Variants in NDUFA10 observed in about 807,000 individuals in gnomAD.
NDUFA10 encodes the protein NADH dehydrogenase [ubiquinone] 1 alpha subcomplex subunit 10, mitochondrial.
A neutral mutation model predicts 47.8 loss-of-function variants in NDUFA10; 40 were observed. The observed-to-expected ratio is 0.84, with a 90% CI of 0.65 to 1.09. The LOEUF (loss-of-function observed/expected upper bound fraction) is 1.09. NDUFA10 is among the 50% of genes least tolerant of loss of function. The pLI is 0.00. For synonymous variants in NDUFA10, 183 were observed against 172.2 expected (o/e 1.06, Z -0.49); for missense variants, 413 against 451.1 (o/e 0.92, Z 0.76).
At position 240,018,417 on chromosome 2, in the gene NDUFA10, G is replaced by A. The variant is rs137958541; in HGVS notation, c.547+136C>T. ...TACTTAGGAAGTTCCTTTTTCCAGC[G>A]GAGACCGATTAAGTAATGGCATTTA... On this transcript the variant is annotated intron_variant, in intron 4 of 9. Coordinates refer to ENST00000252711, the MANE Select transcript of NDUFA10 (RefSeq NM_004544.4). The A allele has an allele frequency of 8.0e-4, 1,249 of 1,562,582 alleles. 7 individuals are homozygous for A. Among genetic ancestry groups the A allele is most frequent in the East Asian group, 2.6e-3 (109 of 41,730 alleles).
intron 4 of NDUFA10, among the ~76,000 whole-genome samples, chr2:239,918,333 T>A (rs538681053): frequency 6.6e-6 from 1 of 152,278 alleles, no homozygotes; most frequent in Non-Finnish European, 1.5e-5. Flanking sequence ...TGGACATACA[T>A]GCGCCCCATC....
At chr2:239,975,818 G>T (rs749792039) in intron 9 of NDUFA10, among the ~76,000 whole-genome samples, 6 of 151,986 alleles carry the variant, frequency 3.9e-5, no homozygotes, top group African/African-American at 7.3e-5. Flanking sequence ...GTGCCTCCTG[G>T]ATCAAGCGTC....
intron 4 of NDUFA10, among the ~76,000 whole-genome samples, chr2:240,015,977 T>G (rs969192440): frequency 6.6e-6 from 1 of 152,104 alleles, no homozygotes; most frequent in African/African-American, 2.4e-5. Flanking sequence ...AGCAGCATGG[T>G]GAAATCCCAT....
chr2:239,995,558 G>GC (rs1696439271), intron 8 of NDUFA10, among the ~76,000 whole-genome samples: 2 of 152,304 alleles, frequency 1.3e-5, no homozygotes, highest in South Asian at 4.1e-4. Context: ...AACAACAAAT[G>GC]CAGCAAACAG....
At chr2:239,940,612 C>G (rs994983367) in intron 4 of NDUFA10, among the ~76,000 whole-genome samples, 5 of 152,144 alleles carry the variant, frequency 3.3e-5, no homozygotes, top group African/African-American at 1.2e-4. Context: ...AATCATGACT[C>G]TCATAGAAAT....
intron 4 of NDUFA10, among the ~76,000 whole-genome samples, chr2:239,917,741 G>A (rs1693901144): frequency 6.6e-6 from 1 of 152,218 alleles, no homozygotes; most frequent in South Asian, 2.1e-4. Context: ...TAAAAGTCAT[G>A]TGCTGTCTTT....
intron 7 of NDUFA10, among the ~76,000 whole-genome samples, chr2:240,006,361 A>G (rs919651488): frequency 3.9e-5 from 6 of 152,208 alleles, no homozygotes; most frequent in Non-Finnish European, 7.3e-5. Context: ...CTGGGCGAGA[A>G]TGCAGGGCTT....
intron 8 of NDUFA10, among the ~76,000 whole-genome samples, chr2:240,003,528 G>C (rs1272584732): frequency 6.6e-6 from 1 of 152,132 alleles, no homozygotes; most frequent in East Asian, 1.9e-4. Context: ...TAACACAAAA[G>C]GCAGATCCCC....
chr2:239,940,292 G>A (rs994932694), intron 4 of NDUFA10, among the ~76,000 whole-genome samples: 7 of 152,244 alleles, frequency 4.6e-5, no homozygotes, highest in African/African-American at 1.7e-4. Context: ...CCAGCCCTGA[G>A]CTAAAACACT....
chr2:239,952,914 C>G (rs577323442), downstream of NDUFA10, among the ~76,000 whole-genome samples: 1 of 152,240 alleles, frequency 6.6e-6, no homozygotes, highest in Non-Finnish European at 1.5e-5. Context: ...AGGCCCATCT[C>G]TGTGGTGGGT....
At chr2:239,926,448 T>C (rs1694067297) in intron 4 of NDUFA10, among the ~76,000 whole-genome samples, 1 of 152,246 alleles carries the variant, frequency 6.6e-6, no homozygotes, top group Admixed American at 6.5e-5. Context: ...TTGTCTGTGA[T>C]GAGGCTGGTG....
rs963406381 is a variant in NDUFA10, at chr2:239,894,095, A to G, written c.*14+1110T>C. On this transcript the variant is annotated intron_variant, in intron 5 of 5. Coordinates refer to the NDUFA10 transcript ENST00000419408. ...TGCCTTCCGTCCTCAGCTCCATCCCAGCCTCATTCCTTCTCCCTGCTTCCC... is the reference window on the plus strand; with the variant it reads ...TGCCTTCCGTCCTCAGCTCCATCCCGGCCTCATTCCTTCTCCCTGCTTCCC... Among the ~76,000 whole-genome samples, 68 of 141,210 alleles carry G rather than the reference A, an allele frequency of 4.8e-4. 1 individual carries two copies. Among genetic ancestry groups the G allele is most frequent in the Non-Finnish European group, 1.4e-4 (9 of 65,622 alleles). 92.6% of individuals were successfully genotyped at this position (141,210 alleles called of 152,430 possible).
chr2:239,899,370 G>A (rs569952389), intron 4 of NDUFA10, among the ~76,000 whole-genome samples: 3 of 112,714 alleles, frequency 2.7e-5, no homozygotes, highest in African/African-American at 9.3e-5. Context: ...GAGTGTGATG[G>A]AGGGGTGTGG....
intron 4 of NDUFA10, among the ~76,000 whole-genome samples, chr2:239,915,173 TACAC>T (rs1204896604): frequency 2.1e-5 from 2 of 96,916 alleles, no homozygotes; most frequent in Non-Finnish European, 4.1e-5. Flanking sequence ...TACACAAACA[TACAC>T]ACACAGAACA....
chr2:239,920,603 G>A (rs530673554), intron 4 of NDUFA10, among the ~76,000 whole-genome samples: 17 of 152,312 alleles, frequency 1.1e-4, no homozygotes, highest in South Asian at 4.1e-4. Context: ...CTGTGTCTCC[G>A]TCTCCTTAAC....
Position 240,016,950 on chromosome 2 carries a change from G to A in NDUFA10, c.547+1603C>T. ...TCCCCCTTAGCGGCCCACTAGCCAG[G>A]GCAGGTCCACGCCACTCCCCACTGT... On this transcript the variant is annotated intron_variant, in intron 4 of 9. Coordinates refer to ENST00000252711, the MANE Select transcript of NDUFA10 (RefSeq NM_004544.4). The surrounding 1 kb of genome is among the most constrained non-coding windows in gnomAD (Gnocchi z 4.4). Among the ~76,000 whole-genome samples, 1 of 151,590 alleles carries A rather than the reference G, an allele frequency of 6.6e-6. No individual in the cohort carries two copies. The highest frequency in any genetic ancestry group is 1.5e-5 in the Non-Finnish European group (1 of 68,002).
chr2:239,939,625 G>A (rs191941848), intron 4 of NDUFA10, among the ~76,000 whole-genome samples: 8 of 152,236 alleles, frequency 5.3e-5, no homozygotes, highest in African/African-American at 1.9e-4. Flanking sequence ...GAGGTTATTT[G>A]TAATGTCTAA....
chr2:239,954,838 C>T (rs895993935), downstream of NDUFA10, among the ~76,000 whole-genome samples: 1 of 152,214 alleles, frequency 6.6e-6, no homozygotes, highest in Non-Finnish European at 1.5e-5. Flanking sequence ...GACTGGTTGC[C>T]AATGTTGGCG....
rs1697148824 is a variant in NDUFA10, at chr2:240,011,629, A to T, written c.737T>A (p.Leu246His). 1 of 1,612,028 alleles carries T rather than the reference A, an allele frequency of 6.2e-7. No individual in the cohort carries two copies. Among genetic ancestry groups the T allele is most frequent in the African/African-American group, 1.3e-5 (1 of 74,892 alleles). ...DIENAYKKTF[L>H]PEMSEKCEVL... The stretch of plus-strand genomic sequence containing the variant: ...GTGTTTGGCTCACCTCATCTCAGGG[A>T]GAAAGGTTTTCTTATAGGCATTCTC... The change falls in exon 6 of 10, where the codon CTC (leucine) becomes CAC (histidine). Residue 246 changes from leucine to histidine, a missense_variant. By Grantham distance (99) the Leu-to-His change is moderately conservative (BLOSUM62 -3). Transcript: ENST00000252711.
Sources: allele counts gnomAD v4.1 joint callset (sites outside exome capture counted in the v4.1 genomes callset), GRCh38; gene constraint gnomAD v4.1.1; non-coding constraint Gnocchi (gnomAD v3.1); transcripts MANE v1.5; gene names NCBI Gene and HGNC (gene_info 2026-07-23, HGNC 2026-07-21).